Variants in KCNH8 observed in about 807,000 individuals in gnomAD.
KCNH8 encodes the protein potassium voltage-gated channel subfamily H member 8.
In KCNH8, 70 loss-of-function variants were observed where a neutral mutation model predicts 103.6. The ratio of observed to expected loss-of-function variants is 0.68; its 90% confidence interval spans 0.56 to 0.82. KCNH8 has a LOEUF of 0.82. KCNH8 is among the 40% of genes least tolerant of loss of function. The pLI, the probability that KCNH8 is intolerant of heterozygous loss-of-function variation, is 0.00. For synonymous variants in KCNH8, 498 were observed against 489.4 expected, an observed-to-expected ratio of 1.02 and a Z score of -0.23; for missense variants, 1,217 against 1,329.9, an observed-to-expected ratio of 0.92 and a Z score of 1.32.
intron 1 of KCNH8, among the ~76,000 whole-genome samples, chr3:19,242,803 A>G (rs2064158888): frequency 1.3e-5 from 2 of 151,854 alleles, no homozygotes; most frequent in Admixed American, 6.6e-5. Context: ...TGCAAATGTA[A>G]TAAGCAACCC....
At chr3:19,205,129 C>G (rs1455909679) in intron 1 of KCNH8, among the ~76,000 whole-genome samples, 1 of 151,932 alleles carries the variant, frequency 6.6e-6, no homozygotes, top group Admixed American at 6.6e-5. Context: ...ACCCATCCAC[C>G]TACCCAACTA....
intron 1 of KCNH8, among the ~76,000 whole-genome samples, chr3:19,151,407 A>G (rs2063128267): frequency 6.6e-6 from 1 of 152,102 alleles, no homozygotes; most frequent in Non-Finnish European, 1.5e-5. Flanking sequence ...TGTGAAGTAT[A>G]TTTTACGGTC....
intron 11 of KCNH8, among the ~76,000 whole-genome samples, chr3:19,493,170 G>A (rs2068363984): frequency 6.6e-6 from 1 of 152,094 alleles, no homozygotes; most frequent in Admixed American, 6.6e-5. Flanking sequence ...ATCACAAAGA[G>A]AGACAGTTTG....
chr3:19,440,857 A>C (rs532384580), intron 8 of KCNH8, among the ~76,000 whole-genome samples: 9 of 152,172 alleles, frequency 5.9e-5, no homozygotes, highest in Non-Finnish European at 1.0e-4. Flanking sequence ...GGTTGGCACT[A>C]TTATTATTTC....
At chr3:19,343,733 A>G (rs1575542333) in intron 4 of KCNH8, among the ~76,000 whole-genome samples, 1 of 152,098 alleles carries the variant, frequency 6.6e-6, no homozygotes, top group Admixed American at 6.6e-5. Flanking sequence ...ACCTAATCCA[A>G]CATACACATG....
chr3:19,278,462 G>A lies in KCNH8; in HGVS notation c.311-2736G>A, dbSNP rs577445996. Reference sequence around the variant, plus strand: ...GGGAGAAAGGCAGGCAGGAAGGAAGGAAAGGGAAGGGAAGGAAGGAAGGAG... The same window carrying A: ...GGGAGAAAGGCAGGCAGGAAGGAAGAAAAGGGAAGGGAAGGAAGGAAGGAG... On this transcript the variant is annotated intron_variant, in intron 2 of 15. Coordinates refer to ENST00000328405, the MANE Select transcript of KCNH8 (RefSeq NM_144633.3). Among the ~76,000 whole-genome samples, 873 of 126,902 alleles carry A rather than the reference G, an allele frequency of 6.9e-3. 2 individuals carry two copies. The highest frequency in any genetic ancestry group is 0.013 in the Middle Eastern group (3 of 228). 83.3% of individuals were successfully genotyped at this position (126,902 alleles called of 152,430 possible). A position where few individuals can be genotyped will look rare whatever the true frequency, so the allele number is the denominator to read the frequency against.
intron 1 of KCNH8, among the ~76,000 whole-genome samples, chr3:19,191,168 G>T (rs1011250598): frequency 6.6e-6 from 1 of 151,760 alleles, no homozygotes; most frequent in African/African-American, 2.4e-5. Context: ...TAGTATATGT[G>T]TGTACTTCCA....
intron 2 of KCNH8, among the ~76,000 whole-genome samples, chr3:19,277,380 T>C (rs936175774): frequency 2.0e-5 from 3 of 151,960 alleles, no homozygotes; most frequent in Admixed American, 2.0e-4. Context: ...GTGGGAAACA[T>C]AGGGAGATCC....
chr3:19,349,678 T>C (rs1223840198), intron 5 of KCNH8, among the ~76,000 whole-genome samples: 1 of 152,162 alleles, frequency 6.6e-6, no homozygotes, highest in Non-Finnish European at 1.5e-5. Context: ...TAGCAGATGA[T>C]GACTGACTTA....
At chr3:19,522,311 A>AAAACCAGGAGAGCCAGTGGT (rs1429640692) in intron 15 of KCNH8, among the ~76,000 whole-genome samples, 105 of 151,992 alleles carry the variant, frequency 6.9e-4, no homozygotes, top group Admixed American at 1.4e-3. Context: ...CGAAGTCCTA[A>AAAACCAGGAGAGCCAGTGGT]AAACCAGGAG....
intron 1 of KCNH8, among the ~76,000 whole-genome samples, chr3:19,183,920 T>G (rs2063479432): frequency 6.6e-6 from 1 of 152,116 alleles, no homozygotes; most frequent in Non-Finnish European, 1.5e-5. Flanking sequence ...TTTTAAAAGT[T>G]TGAATGTAAC....
At chr3:19,510,862 GATT>G (rs1247362146) in intron 12 of KCNH8, among the ~76,000 whole-genome samples, 1 of 152,144 alleles carries the variant, frequency 6.6e-6, no homozygotes, top group African/African-American at 2.4e-5. Context: ...AATTTGTTAA[GATT>G]ATTAGCTGGA....
At chr3:19,472,604 C>T (rs948737590) in intron 11 of KCNH8, among the ~76,000 whole-genome samples, 5 of 152,084 alleles carry the variant, frequency 3.3e-5, no homozygotes, top group African/African-American at 4.8e-5. Context: ...ACTGTAAGTC[C>T]GTTAAACCTC....
At chr3:19,214,206 A>G (rs1026099462) in intron 1 of KCNH8, among the ~76,000 whole-genome samples, 1 of 152,098 alleles carries the variant, frequency 6.6e-6, no homozygotes, top group African/African-American at 2.4e-5. Context: ...CCTTCCTTGG[A>G]TTTTTTCCCT....
intron 11 of KCNH8, among the ~76,000 whole-genome samples, chr3:19,499,487 G>A (rs1403294357): frequency 6.6e-6 from 1 of 152,108 alleles, no homozygotes; most frequent in Non-Finnish European, 1.5e-5. Flanking sequence ...ACACATAATT[G>A]TCAGATTCAC....
chr3:19,493,781 A>G (rs1433221636), intron 11 of KCNH8, among the ~76,000 whole-genome samples: 1 of 152,066 alleles, frequency 6.6e-6, no homozygotes, highest in Non-Finnish European at 1.5e-5. Flanking sequence ...CCTACACAAC[A>G]TTATTCTCCT....
intron 5 of KCNH8, among the ~76,000 whole-genome samples, chr3:19,359,364 T>G (rs1559491505): frequency 7.2e-6 from 1 of 139,628 alleles, no homozygotes; most frequent in Admixed American, 7.0e-5. Context: ...GTGTTGTGTG[T>G]GCATGTGTAT....
At chr3:19,354,573 A>G (rs1207115416) in intron 5 of KCNH8, among the ~76,000 whole-genome samples, 1 of 152,054 alleles carries the variant, frequency 6.6e-6, no homozygotes, top group South Asian at 2.1e-4. Context: ...CAGAAATAAT[A>G]CCACACATGT....
chr3:19,250,648 C>A (rs1351659212), intron 1 of KCNH8, among the ~76,000 whole-genome samples: 1 of 152,194 alleles, frequency 6.6e-6, no homozygotes, highest in Non-Finnish European at 1.5e-5. Context: ...TTATGATAGA[C>A]CATCTCGATC....
Sources: gnomAD v4.1 joint callset for allele counts (sites outside exome capture counted in the v4.1 genomes callset) on GRCh38, gnomAD v4.1.1 for gene constraint, MANE v1.5 for transcripts, NCBI Gene and HGNC (gene_info 2026-07-23, HGNC 2026-07-21) for gene names.